HIF1AN: variants seen among roughly 807,000 people sequenced by gnomAD.
The protein encoded by HIF1AN is hypoxia inducible factor 1 subunit alpha inhibitor, also known as hypoxia-inducible factor 1-alpha inhibitor.
A neutral mutation model predicts 47.7 loss-of-function variants in HIF1AN; 21 were observed. That is an observed-to-expected ratio of 0.44 (90% CI 0.31 to 0.63). The LOEUF (loss-of-function observed/expected upper bound fraction) is 0.63, where lower values mean the gene tolerates loss of function less well. Among genes scored for constraint, HIF1AN ranks in the 30% least tolerant of loss-of-function variants. The pLI is 0.07. For synonymous variants in HIF1AN, 152 were observed against 155.9 expected, an observed-to-expected ratio of 0.98 and a Z score of 0.18; for missense variants, 320 against 432.7, an observed-to-expected ratio of 0.74 and a Z score of 2.31.
chr10:100,535,944 T>C lies in HIF1AN; in HGVS notation c.-15T>C. On this transcript the variant is annotated 5_prime_UTR_variant, in exon 1 of 8. Coordinates refer to ENST00000299163, the MANE Select transcript of HIF1AN (RefSeq NM_017902.3). Reference sequence around the variant, plus strand: ...GAGCTTCCGGTTCCGGTGGGGGCCGTCCCTGGCGGCGGAGATGGCGGCGAC... The same window carrying C: ...GAGCTTCCGGTTCCGGTGGGGGCCGCCCCTGGCGGCGGAGATGGCGGCGAC... The C allele has an allele frequency of 6.5e-7, 1 of 1,546,716 alleles. No individual in the cohort carries two copies.
intron 3 of HIF1AN, among the ~76,000 whole-genome samples, chr10:100,544,281 A>G (rs184472091): frequency 1.3e-3 from 205 of 152,364 alleles, no homozygotes; most frequent in African/African-American, 4.5e-3. Context: ...TGTTGCTTTA[A>G]GAAGTGTTGT....
chr10:100,543,911 T>G (rs1161755554), intron 3 of HIF1AN, among the ~76,000 whole-genome samples: 1 of 152,180 alleles, frequency 6.6e-6, no homozygotes, highest in Non-Finnish European at 1.5e-5. Context: ...CTGCGTTTCC[T>G]GTGGTAGGGT....
At position 100,552,197 on chromosome 10, in the gene HIF1AN, T is replaced by G. The variant is rs1041897311; in HGVS notation, c.*4060T>G. The G allele has an allele frequency of 1.5e-4, 23 of 152,298 alleles. No homozygotes were observed. The highest frequency in any genetic ancestry group is 4.8e-4 in the African/African-American group (20 of 41,518). 9.4% of individuals were successfully genotyped at this position (152,298 alleles called of 1,614,324 possible). A position where few individuals can be genotyped will look rare whatever the true frequency, so the allele number is the denominator to read the frequency against. ...ATTAATTTATACTAGTATTTCTTCC[T>G]CAGTTTTGTGACTTGAATGCAGTGA... is the stretch of plus-strand genomic sequence containing the variant. On this transcript the variant is annotated 3_prime_UTR_variant, in exon 8 of 8. Coordinates refer to ENST00000299163, the MANE Select transcript of HIF1AN (RefSeq NM_017902.3).
At chr10:100,544,815 C>A in intron 3 of HIF1AN, 136 bp from the exon 4 acceptor site, 1 of 744,658 alleles carries the variant, frequency 1.3e-6, no homozygotes, top group Non-Finnish European at 2.2e-6. Context: ...TGGAATTTCC[C>A]TGATTCTGCC....
In HIF1AN at chr10:100,547,247, A is replaced by G; in HGVS notation, c.1002A>G (p.Gln334=). The G allele has an allele frequency of 4.3e-6, 7 of 1,609,822 alleles. No individual in the cohort carries two copies. Among genetic ancestry groups the G allele is most frequent in the Non-Finnish European group, 4.2e-6 (5 of 1,176,642 alleles). The stretch of plus-strand genomic sequence containing the variant: ...TTGGAGAGGCCTTGGGGAACCCACA[A>G]GAGGTAGGTGACTGCCCCAAGGTGG... The part of the protein sequence containing the change: ...KMLGEALGNP[Q]EVGPLLNTMI... The change falls in exon 7 of 8, where the codon CAA becomes CAG. Residue 334 remains glutamine (Q), a synonymous_variant. Coordinates refer to ENST00000299163, the MANE Select transcript of HIF1AN (RefSeq NM_017902.3).
chr10:100,540,280 G>C (rs759896354), intron 2 of HIF1AN, among the ~76,000 whole-genome samples: 2 of 150,090 alleles, frequency 1.3e-5, no homozygotes, highest in African/African-American at 5.1e-5. Flanking sequence ...AAGTTTGGGG[G>C]CCAGATGCAG....
At position 100,545,924 on chromosome 10, in the gene HIF1AN, T is replaced by C. The variant is rs1256020203; in HGVS notation, c.724-19T>C. ...GATTTGGTGATTGATATTTTTTTTC[T>C]TTCTCTTGAACCTCTTAGGTGGACT... is the stretch of plus-strand genomic sequence containing the variant. On this transcript the variant is annotated intron_variant, in intron 4 of 7. Coordinates refer to ENST00000299163, the MANE Select transcript of HIF1AN (RefSeq NM_017902.3). The C allele has an allele frequency of 6.4e-7, 1 of 1,551,612 alleles. No individual in the cohort carries two copies. The highest frequency in any genetic ancestry group is 8.9e-7 in the Non-Finnish European group (1 of 1,124,658).
At position 100,544,421 on chromosome 10, in the gene HIF1AN, A is replaced by T. The variant is rs530154269; in HGVS notation, c.578-530A>T. ...GTGAAACCCCATCTCTTAAAAAAAC[A>T]AGTATTGCATTCGTTAGGTGTATTG... On this transcript the variant is annotated intron_variant, in intron 3 of 7. Coordinates refer to ENST00000299163, the MANE Select transcript of HIF1AN (RefSeq NM_017902.3). Among the ~76,000 whole-genome samples, 6 of 152,338 alleles carry T rather than the reference A, an allele frequency of 3.9e-5. No homozygotes were observed. The South Asian group carries it at 1.2e-3, about 32-fold the overall frequency.
At chr10:100,540,401 C>T (rs1843014507) in intron 2 of HIF1AN, among the ~76,000 whole-genome samples, 1 of 151,948 alleles carries the variant, frequency 6.6e-6, no homozygotes, top group South Asian at 2.1e-4. Context: ...TTTCTTTAAA[C>T]AAAACAAAGA....
At chr10:100,543,308 C>G (rs6584383) in intron 3 of HIF1AN, among the ~76,000 whole-genome samples, 36,253 of 152,006 alleles carry the variant, frequency 0.24, 4,648 homozygotes, top group African/African-American at 0.32. Flanking sequence ...TCCCACCTCA[C>G]CCTTCCAAGT....
chr10:100,540,917 A>T, intron 3 of HIF1AN, 135 bp downstream of exon 3: 2 of 832,600 alleles, frequency 2.4e-6, no homozygotes, highest in Non-Finnish European at 3.6e-6. Flanking sequence ...CTCAGCTCTA[A>T]AAGAAACATA....
At chr10:100,536,184 G>C in intron 1 of HIF1AN, 49 bp downstream of exon 1, 1 of 1,523,942 alleles carries the variant, frequency 6.6e-7, no homozygotes, top group Non-Finnish European at 8.9e-7. Flanking sequence ...GTACCCGGTT[G>C]AGAGGTCAGA....
chr10:100,548,462 G>A lies in HIF1AN; in HGVS notation c.*325G>A, dbSNP rs1334338436. ...TATGTTAGTCTGTCAACTTCGGAAT[G>A]TGTGCGTGTGTGTGCATGCACACGC... On this transcript the variant is annotated 3_prime_UTR_variant, in exon 8 of 8. Coordinates refer to ENST00000299163, the MANE Select transcript of HIF1AN (RefSeq NM_017902.3). 1.0e-5 allele frequency: 3 copies of A among 290,232 alleles called. No homozygotes were observed. The highest frequency in any genetic ancestry group is 1.3e-5 in the Non-Finnish European group (2 of 153,918). The allele number at this position is 290,232 out of a possible 1,614,324, so 18.0% of individuals were successfully genotyped here.
rs898915029 is a variant in HIF1AN, at chr10:100,548,651, C to T, written c.*514C>T. 1 of 153,858 alleles carries T rather than the reference C, an allele frequency of 6.5e-6. No homozygotes were observed. Among genetic ancestry groups the T allele is most frequent in the African/African-American group, 2.4e-5 (1 of 41,574 alleles). The allele number at this position is 153,858 out of a possible 1,614,324, so 9.5% of individuals were successfully genotyped here. ...GCCAGAGCTAGTCTGACCATTAGGT[C>T]AGTCTGCCTCCTGACAGTTTTTGCG... On this transcript the variant is annotated 3_prime_UTR_variant, in exon 8 of 8. Coordinates refer to ENST00000299163, the MANE Select transcript of HIF1AN (RefSeq NM_017902.3).
Position 100,552,512 on chromosome 10 carries a change from T to G in HIF1AN, c.*4375T>G, listed in dbSNP as rs1303413723. The G allele has an allele frequency of 6.6e-6, 1 of 152,544 alleles. No homozygotes were observed. Among genetic ancestry groups the G allele is most frequent in the South Asian group, 2.1e-4 (1 of 4,838 alleles). The allele number at this position is 152,544 out of a possible 1,614,324, so 9.4% of individuals were successfully genotyped here. ...ACTCCCCTTTGAGACCTTCAGCTGC[T>G]TGTCTTCCACTGCCTGCATACTTCT... On this transcript the variant is annotated 3_prime_UTR_variant, in exon 8 of 8. Transcript: ENST00000299163.
rs891491672 is a variant in HIF1AN, at chr10:100,551,758, A to T, written c.*3621A>T. 6.6e-6 allele frequency: 1 copy of T among 152,202 alleles called. No homozygotes were observed. Among genetic ancestry groups the T allele is most frequent in the Non-Finnish European group, 1.5e-5 (1 of 68,040 alleles). 9.4% of individuals were successfully genotyped at this position (152,202 alleles called of 1,614,324 possible). A position where few individuals can be genotyped will look rare whatever the true frequency, so the allele number is the denominator to read the frequency against. ...AGGGCGTGAGGAAAATCTGGTCCTT[A>T]TCAAATCCCAGGAGCTTCTGCTTAG... On this transcript the variant is annotated 3_prime_UTR_variant, in exon 8 of 8. Coordinates refer to ENST00000299163, the MANE Select transcript of HIF1AN (RefSeq NM_017902.3).
chr10:100,546,636 G>C (rs182400356), intron 6 of HIF1AN, 55 bp downstream of exon 6: 2 of 1,325,368 alleles, frequency 1.5e-6, no homozygotes, highest in Middle Eastern at 1.8e-4. Flanking sequence ...TCTTGGGTGA[G>C]GTAGGTATAA....
rs746852281 is a variant in HIF1AN at position 100,535,968 on chromosome 10, A to G, written c.10A>G (p.Thr4Ala). ...GTCCCTGGCGGCGGAGATGGCGGCGACAGCGGCGGAGGCTGTGGCCTCTGG... is the reference window on the plus strand; with the variant it reads ...GTCCCTGGCGGCGGAGATGGCGGCGGCAGCGGCGGAGGCTGTGGCCTCTGG... MAA[T>A]AAEAVASGSG... The change falls in exon 1 of 8, where the codon ACA (threonine) becomes GCA (alanine). Residue 4 changes from threonine (T) to alanine (A), a missense_variant. Physicochemically the swap from Thr to Ala is moderately conservative, Grantham distance 58. Coordinates refer to ENST00000299163, the MANE Select transcript of HIF1AN (RefSeq NM_017902.3). 5 of 1,548,376 alleles carry G rather than the reference A, an allele frequency of 3.2e-6. No individual in the cohort carries two copies. The African/African-American group carries it at 5.6e-5, about 17-fold the overall frequency.
intron 5 of HIF1AN, 81 bp downstream of exon 5, chr10:100,546,130 A>G: frequency 2.0e-6 from 2 of 978,762 alleles, no homozygotes; most frequent in South Asian, 1.4e-5. Flanking sequence ...GTCGCTTCTG[A>G]GTTATGGCAT....
Sources: allele counts gnomAD v4.1 joint callset (sites outside exome capture counted in the v4.1 genomes callset), GRCh38; gene constraint gnomAD v4.1.1; transcripts MANE v1.5; gene names NCBI Gene and HGNC (gene_info 2026-07-23, HGNC 2026-07-21).